GOSR1: variants seen among roughly 807,000 people sequenced by gnomAD.
GOSR1 encodes golgi SNAP receptor complex member 1.
Under a neutral mutation model 35.5 loss-of-function variants are expected in GOSR1, and 21 were observed. The ratio of observed to expected loss-of-function variants is 0.59; its 90% CI spans 0.42 to 0.85. The LOEUF is 0.85. Among genes scored for constraint, GOSR1 ranks in the 40% least tolerant of loss-of-function variants. The pLI is 0.00. For synonymous variants in GOSR1, 94 were observed against 106.6 expected (o/e 0.88, Z 0.73); for missense variants, 285 against 309.6 (o/e 0.92, Z 0.60).
chr17:30,481,995 A>C (rs1024383814), intron 2 of GOSR1, among the ~76,000 whole-genome samples: 1 of 152,028 alleles, frequency 6.6e-6, no homozygotes, highest in Non-Finnish European at 1.5e-5. Context: ...AAAATTTTTT[A>C]ATTAGGCAAT....
chr17:30,497,740 T>A (rs1967050657), intron 6 of GOSR1, among the ~76,000 whole-genome samples: 2 of 152,182 alleles, frequency 1.3e-5, no homozygotes, highest in African/African-American at 2.4e-5. Context: ...TAGATGAATG[T>A]CACCTGACCC....
intron 7 of GOSR1, among the ~76,000 whole-genome samples, chr17:30,519,505 A>T (rs1327501051): frequency 6.6e-6 from 1 of 152,112 alleles, no homozygotes; most frequent in Non-Finnish European, 1.5e-5. Flanking sequence ...TTCACATTTT[A>T]TGATATTTTA....
At chr17:30,518,301 A>C (rs1178323986) in intron 7 of GOSR1, among the ~76,000 whole-genome samples, 2 of 152,004 alleles carry the variant, frequency 1.3e-5, no homozygotes, top group Non-Finnish European at 2.9e-5. Flanking sequence ...TCTCAAGGGA[A>C]CTTGGGGCCT....
intron 7 of GOSR1, among the ~76,000 whole-genome samples, chr17:30,515,726 G>A (rs1967783227): frequency 6.6e-6 from 1 of 152,230 alleles, no homozygotes; most frequent in Non-Finnish European, 1.5e-5. Context: ...GTGCATCACA[G>A]TGGTGGATTT....
At chr17:30,507,722 CAAAAAA>C (rs57856074) in intron 6 of GOSR1, among the ~76,000 whole-genome samples, 74,969 of 125,448 alleles carry the variant, frequency 0.6, 19,645 homozygotes, top group East Asian at 0.84. Context: ...GACTCTGTCT[CAAAAAA>C]AAAAAAAAAA....
chr17:30,490,289 T>G, intron 5 of GOSR1, 72 bp downstream of exon 5: 2 of 728,036 alleles, frequency 2.7e-6, no homozygotes, highest in Non-Finnish European at 4.8e-6. Context: ...CACGGTTAAT[T>G]GCAAATTGAG....
At chr17:30,512,447 T>C (rs1007840579) in intron 7 of GOSR1, among the ~76,000 whole-genome samples, 1 of 152,244 alleles carries the variant, frequency 6.6e-6, no homozygotes, top group Non-Finnish European at 1.5e-5. Context: ...TGATGCTCTT[T>C]ACTCCTAAAT....
At chr17:30,521,167 C>CTTTTTTTTTT (rs71360748) in intron 8 of GOSR1, among the ~76,000 whole-genome samples, 3 of 64,208 alleles carry the variant, frequency 4.7e-5, no homozygotes, top group African/African-American at 7.6e-5. Flanking sequence ...TTCTCTCTCT[C>CTTTTTTTTTT]TTTTTTTTTT....
At chr17:30,497,003 G>A (rs561283102) in intron 6 of GOSR1, among the ~76,000 whole-genome samples, 33 of 152,316 alleles carry the variant, frequency 2.2e-4, no homozygotes, top group Non-Finnish European at 3.4e-4. Context: ...ACCTTTGGCA[G>A]AGTTTTAGAG....
At chr17:30,519,659 T>C (rs887916415) in intron 7 of GOSR1, 6 of 263,074 alleles carry the variant, frequency 2.3e-5, no homozygotes, top group Non-Finnish European at 4.3e-5. Flanking sequence ...TTTTGTAATA[T>C]GTGATTTGTC....
intron 8 of GOSR1, among the ~76,000 whole-genome samples, chr17:30,520,841 G>T (rs1001211453): frequency 1.6e-4 from 24 of 152,276 alleles, no homozygotes; most frequent in Non-Finnish European, 2.6e-4. Context: ...TGTGAATTTT[G>T]TTCTTGCCTT....
intron 6 of GOSR1, among the ~76,000 whole-genome samples, chr17:30,502,774 C>A (rs1343830318): frequency 6.6e-6 from 1 of 152,190 alleles, no homozygotes; most frequent in Non-Finnish European, 1.5e-5. Context: ...CTTTGTTTTC[C>A]TGTATTTTCC....
chr17:30,494,425 C>G (rs746271712), intron 6 of GOSR1, among the ~76,000 whole-genome samples: 1 of 152,104 alleles, frequency 6.6e-6, no homozygotes, highest in Non-Finnish European at 1.5e-5. Flanking sequence ...CTTGTAACTA[C>G]TTGTTTTTTG....
chr17:30,490,384 C>T, intron 5 of GOSR1, 167 bp downstream of exon 5: 1 of 483,216 alleles, frequency 2.1e-6, no homozygotes, highest in Non-Finnish European at 3.8e-6. Context: ...TCATCCTAAT[C>T]TACTTTTCCA....
chr17:30,514,554 C>G (rs967512448), intron 7 of GOSR1, among the ~76,000 whole-genome samples: 1 of 152,200 alleles, frequency 6.6e-6, no homozygotes, highest in Non-Finnish European at 1.5e-5. Flanking sequence ...CTTCTAAAGT[C>G]CAGGCTGGCA....
chr17:30,483,434 T>C (rs566298467), intron 2 of GOSR1, among the ~76,000 whole-genome samples: 11 of 152,356 alleles, frequency 7.2e-5, no homozygotes, highest in South Asian at 2.1e-4. Flanking sequence ...AGCAGTTTTT[T>C]CCTTCCTTCA....
intron 1 of GOSR1, chr17:30,480,926 G>C (rs186465901): frequency 2.6e-6 from 1 of 390,400 alleles, no homozygotes; most frequent in Admixed American, 3.6e-5. Context: ...TGATCAGGCT[G>C]GTCTCAAACT....
intron 1 of GOSR1, chr17:30,477,772 C>G (rs1021374829): frequency 2.0e-6 from 2 of 984,980 alleles, no homozygotes; most frequent in African/African-American, 3.5e-5. Flanking sequence ...TAATGGAACT[C>G]GGACGAAGGG....
chr17:30,487,845 G>A (rs564632286), intron 4 of GOSR1, among the ~76,000 whole-genome samples: 8 of 151,994 alleles, frequency 5.3e-5, no homozygotes, highest in South Asian at 4.1e-4. Context: ...GTGCGATCTC[G>A]GCTCACTGCA....
Sources: allele counts gnomAD v4.1 joint callset (sites outside exome capture counted in the v4.1 genomes callset), GRCh38; gene constraint gnomAD v4.1.1; transcripts MANE v1.5; gene names NCBI Gene and HGNC (gene_info 2026-07-23, HGNC 2026-07-21).